The following SCN8A variants were observed in gnomAD, a reference collection of about 807,000 sequenced individuals.
SCN8A encodes sodium voltage-gated channel alpha subunit 8.
In SCN8A, 30 loss-of-function variants were observed where a neutral mutation model predicts 184.1. The observed-to-expected ratio is 0.16, with a 90% CI of 0.12 to 0.22. SCN8A has a LOEUF of 0.22. Ranked by LOEUF, SCN8A falls within the 10% of genes least tolerant of loss-of-function variation. SCN8A has a pLI of 1.00. For synonymous variants in SCN8A, 852 were observed against 907.0 expected, an observed-to-expected ratio of 0.94 and a Z score of 1.09; for missense variants, 1,057 against 2,498.9, an observed-to-expected ratio of 0.42 and a Z score of 12.30.
intron 24 of SCN8A, 97 bp from the exon 25 acceptor site, chr12:51,790,301 A>C (rs1938210362): frequency 1.4e-6 from 1 of 732,058 alleles, no homozygotes; most frequent in African/African-American, 1.8e-5. Context: ...GGAAAGGGAT[A>C]GGTCTCCCCT....
At chr12:51,687,261 C>G (rs778085649) in intron 5 of SCN8A, 42 bp downstream of exon 5, 2 of 1,609,018 alleles carry the variant, frequency 1.2e-6, no homozygotes, top group South Asian at 1.1e-5. Flanking sequence ...GGGTGTGATT[C>G]TGTGTGTGGA....
intron 9 of SCN8A, among the ~76,000 whole-genome samples, chr12:51,704,723 C>A (rs1406524498): frequency 6.6e-6 from 1 of 151,162 alleles, no homozygotes; most frequent in Admixed American, 6.6e-5. Context: ...GCCTGTAATC[C>A]CAGCACTTTG....
intron 1 of SCN8A, among the ~76,000 whole-genome samples, chr12:51,596,007 T>C (rs932103336): frequency 6.6e-6 from 1 of 152,180 alleles, no homozygotes; most frequent in African/African-American, 2.4e-5. Context: ...ATAGGACTCT[T>C]TACCCAAAAG....
At chr12:51,779,604 G>A (rs890971830) in intron 20 of SCN8A, among the ~76,000 whole-genome samples, 2 of 152,222 alleles carry the variant, frequency 1.3e-5, no homozygotes, top group Admixed American at 1.3e-4. Context: ...TGGCCTGGGA[G>A]TCAGGCAGTG....
chr12:51,648,558 T>C (rs1466207776), intron 1 of SCN8A, among the ~76,000 whole-genome samples: 1 of 152,174 alleles, frequency 6.6e-6, no homozygotes, highest in Non-Finnish European at 1.5e-5. Flanking sequence ...CTCAGAATCA[T>C]GGCAGGAGGC....
intron 22 of SCN8A, 134 bp from the exon 23 acceptor site, chr12:51,788,561 G>A (rs932349549): frequency 2.1e-5 from 10 of 478,008 alleles, no homozygotes; most frequent in Non-Finnish European, 3.6e-5. Context: ...AGAAAATTCT[G>A]TGTCCAAGGG....
At chr12:51,654,944 G>A (rs987267225) in intron 1 of SCN8A, among the ~76,000 whole-genome samples, 2 of 152,106 alleles carry the variant, frequency 1.3e-5, no homozygotes, top group Non-Finnish European at 2.9e-5. Context: ...CTGTCACCCA[G>A]GCTGGAGTGC....
intron 26 of SCN8A, among the ~76,000 whole-genome samples, chr12:51,802,090 T>C (rs1938571994): frequency 6.6e-6 from 1 of 152,112 alleles, no homozygotes; most frequent in South Asian, 2.1e-4. Context: ...TTTTGGAGTG[T>C]AGCTCATCTC....
chr12:51,686,618 C>T (rs1175022500), intron 4 of SCN8A, among the ~76,000 whole-genome samples, 161 bp downstream of exon 4: 3 of 152,152 alleles, frequency 2.0e-5, no homozygotes, highest in Non-Finnish European at 4.4e-5. Flanking sequence ...TAGGAAATAG[C>T]CCTCCCTAAA....
chr12:51,691,662 T>C (rs1187543847), intron 6 of SCN8A, among the ~76,000 whole-genome samples: 1 of 152,164 alleles, frequency 6.6e-6, no homozygotes, highest in Non-Finnish European at 1.5e-5. Context: ...TTTGGGAGGC[T>C]AACTGGGGTG....
At chr12:51,611,240 C>T (rs1263588855) in intron 1 of SCN8A, among the ~76,000 whole-genome samples, 1 of 150,208 alleles carries the variant, frequency 6.7e-6, no homozygotes, top group Admixed American at 6.6e-5. Context: ...CAGGCTGGAG[C>T]AAGCTCCGCC....
Position 51,786,565 on chromosome 12 carries a change from C to A in SCN8A, c.3966C>A (p.Gly1322=). The change falls in exon 22 of 27, where the codon GGC becomes GGA. Residue 1322 remains glycine (G), a synonymous_variant. Transcript: ENST00000627620. The stretch of plus-strand genomic sequence containing the variant: ...AGGTGGTGGTGAATGCCTTGGTGGG[C>A]GCCATCCCCTCCATCATGAATGTGC... ...GMRVVVNALV[G]AIPSIMNVLL... 6.2e-7 allele frequency: 1 copy of A among 1,614,130 alleles called. No individual in the cohort carries two copies. The highest frequency in any genetic ancestry group is 8.5e-7 in the Non-Finnish European group (1 of 1,180,018).
intron 25 of SCN8A, among the ~76,000 whole-genome samples, chr12:51,792,246 A>C (rs137912019): frequency 3.6e-4 from 55 of 150,720 alleles, no homozygotes; most frequent in Admixed American, 9.9e-4. Context: ...CTTGGGATCT[A>C]GAGGCAGGCA....
At chr12:51,748,314 A>C (rs1415260370) in intron 13 of SCN8A, among the ~76,000 whole-genome samples, 1 of 152,224 alleles carries the variant, frequency 6.6e-6, no homozygotes, top group African/African-American at 2.4e-5. Context: ...GACTTACCTA[A>C]TAGTTTAGAA....
chr12:51,753,003 T>G (rs975447203), intron 14 of SCN8A, among the ~76,000 whole-genome samples: 6 of 152,190 alleles, frequency 3.9e-5, no homozygotes, highest in African/African-American at 1.4e-4. Context: ...TGAGAGGCTT[T>G]TTCACCTATC....
At chr12:51,647,238 C>T (rs978730864) in intron 1 of SCN8A, among the ~76,000 whole-genome samples, 7 of 152,162 alleles carry the variant, frequency 4.6e-5, no homozygotes, top group East Asian at 3.9e-4. Flanking sequence ...CAAGTATCTC[C>T]TGATAGTTAC....
At chr12:51,664,184 T>A (rs1257743683) in intron 2 of SCN8A, among the ~76,000 whole-genome samples, 1 of 151,782 alleles carries the variant, frequency 6.6e-6, no homozygotes, top group Non-Finnish European at 1.5e-5. Context: ...ATCCTGATTC[T>A]ACCATAATTT....
At chr12:51,805,898 G>T (rs1379386029) in intron 26 of SCN8A, among the ~76,000 whole-genome samples, 1 of 151,456 alleles carries the variant, frequency 6.6e-6, no homozygotes, top group African/African-American at 2.4e-5. Flanking sequence ...GCACGATCTC[G>T]GCTTACTACA....
At chr12:51,713,463 A>T in intron 11 of SCN8A, 1 of 773,170 alleles carries the variant, frequency 1.3e-6, no homozygotes, top group East Asian at 2.4e-5. Flanking sequence ...TTAAACTATC[A>T]TCTGTAGTTT....
Sources: gnomAD v4.1 joint callset for allele counts (sites outside exome capture counted in the v4.1 genomes callset) on GRCh38, gnomAD v4.1.1 for gene constraint, MANE v1.5 for transcripts, NCBI Gene and HGNC (gene_info 2026-07-23, HGNC 2026-07-21) for gene names.